The following DIXDC1 variants were observed in gnomAD, a reference collection of about 807,000 sequenced individuals.
The protein encoded by DIXDC1 is DIX domain containing 1.
DIXDC1 carries 64 observed loss-of-function variants against 103.1 expected under a neutral mutation model. The observed-to-expected ratio is 0.62, with a 90% CI of 0.51 to 0.76. DIXDC1 has a LOEUF of 0.76. Ranked by LOEUF, DIXDC1 falls within the 30% of genes least tolerant of loss-of-function variation. The pLI, the probability that DIXDC1 is intolerant of heterozygous loss-of-function variation, is 0.00. For missense variants in DIXDC1, 759 were observed against 834.2 expected, an observed-to-expected ratio of 0.91 and a Z score of 1.11; for synonymous variants, 266 against 298.5, an observed-to-expected ratio of 0.89 and a Z score of 1.12.
chr11:111,943,997 C>A (rs1293211526), intron 1 of DIXDC1, among the ~76,000 whole-genome samples: 4 of 152,158 alleles, frequency 2.6e-5, no homozygotes, highest in African/African-American at 9.7e-5. Context: ...GAACAAATAG[C>A]TTTTGCAGGT....
intron 2 of DIXDC1, among the ~76,000 whole-genome samples, chr11:111,965,674 CATAAT>C (rs1486577960): frequency 2.6e-5 from 4 of 152,094 alleles, no homozygotes; most frequent in Admixed American, 2.6e-4. Flanking sequence ...CTTTGGGAAA[CATAAT>C]ATTATCCCCA....
intron 17 of DIXDC1, among the ~76,000 whole-genome samples, chr11:112,006,470 C>T (rs1861241690): frequency 6.6e-6 from 1 of 152,238 alleles, no homozygotes; most frequent in African/African-American, 2.4e-5. Flanking sequence ...TGAGAACGGA[C>T]AGACTGCCTC....
At position 111,992,468 on chromosome 11, in the gene DIXDC1, A is replaced by T; in HGVS notation, c.1167A>T (p.Lys389Asn). ...AGGACACATCTGTTCTTCAGCTCAA[A>T]CAAGAGCTACTGAGGGCAAATATGG... ...TQQDTSVLQL[K>N]QELLRANMDK... The change falls in exon 11 of 20, where the codon AAA becomes AAT. Residue 389 changes from lysine (K) to asparagine (N), a missense_variant. Physicochemically the swap from Lys to Asn is moderately conservative, Grantham distance 94. Transcript: ENST00000440460. 1 of 1,582,798 alleles carries T rather than the reference A, an allele frequency of 6.3e-7. No individual in the cohort carries two copies. The highest frequency in any genetic ancestry group is 8.6e-7 in the Non-Finnish European group (1 of 1,163,780).
chr11:111,986,490 A>G (rs1462292136), intron 8 of DIXDC1, among the ~76,000 whole-genome samples: 6 of 150,624 alleles, frequency 4.0e-5, no homozygotes, highest in Non-Finnish European at 7.4e-5. Flanking sequence ...TCAGCCTCCC[A>G]AGCAGCTGGG....
rs372399059 is a variant in DIXDC1 at position 111,993,017 on chromosome 11, A to G, written c.1272+13A>G. ...GGGAGAATATAAAGTAAGAATGAAT[A>G]TCAGTTTGGAAATGACTTCCACTGA... On this transcript the variant is annotated intron_variant, in intron 12 of 19. Transcript: ENST00000440460. 7.3e-5 allele frequency: 116 copies of G among 1,592,894 alleles called. No homozygotes were observed. The East Asian group carries it at 2.2e-3, about 30-fold the overall frequency.
chr11:111,967,385 A>G (rs371099768), intron 2 of DIXDC1, among the ~76,000 whole-genome samples: 1 of 152,252 alleles, frequency 6.6e-6, no homozygotes, highest in African/African-American at 2.4e-5. Flanking sequence ...GGTGTCCTTA[A>G]TTGTCCTTTT....
chr11:111,995,485 T>C lies in DIXDC1; in HGVS notation c.1610T>C (p.Ile537Thr), dbSNP rs1041748646. ...FSGHDPQHHT[I>T]DSLEQGISSL... is the part of the protein sequence containing the mutation. ...GGCCACGATCCTCAGCACCACACTA[T>C]TGACAGCTTGGAGCAGGGCATTTCT... The change falls in exon 16 of 20, where the codon ATT becomes ACT. Residue 537 changes from isoleucine to threonine, a missense_variant. Ile to Thr is a moderately conservative substitution (Grantham distance 89). Coordinates refer to ENST00000440460, the MANE Select transcript of DIXDC1 (RefSeq NM_001037954.4). 6.2e-7 allele frequency: 1 copy of C among 1,613,974 alleles called. No individual in the cohort carries two copies. Among genetic ancestry groups the C allele is most frequent in the Admixed American group, 1.7e-5 (1 of 60,026 alleles).
chr11:111,966,380 G>A (rs1332651875), intron 2 of DIXDC1, among the ~76,000 whole-genome samples: 3 of 145,194 alleles, frequency 2.1e-5, no homozygotes, highest in Non-Finnish European at 3.0e-5. Flanking sequence ...GCACCACCAC[G>A]CCAAGCTAAT....
Position 112,017,537 on chromosome 11 carries a change from GA to G in DIXDC1, c.1863-238del. The G allele has an allele frequency of 3.7e-6, 1 of 271,026 alleles. No homozygotes were observed. The highest frequency in any genetic ancestry group is 7.0e-6 in the Non-Finnish European group (1 of 143,436). 16.8% of individuals were successfully genotyped at this position (271,026 alleles called of 1,614,324 possible). A position where few individuals can be genotyped will look rare whatever the true frequency, so the allele number is the denominator to read the frequency against. ...TCCAGAGAAAAGTGATTTGGCTTCTGAAGCAATAAGTCAATTTTAAATTCTC... is the reference window on the plus strand; with the variant it reads ...TCCAGAGAAAAGTGATTTGGCTTCTGAGCAATAAGTCAATTTTAAATTCTC... On this transcript the variant is annotated intron_variant, in intron 18 of 19. Coordinates refer to ENST00000440460, the MANE Select transcript of DIXDC1 (RefSeq NM_001037954.4). This position sits in a 1 kb window ranked among gnomAD's most constrained non-coding sequence, Gnocchi z 4.0.
At chr11:111,951,895 T>C (rs1209830338) in intron 1 of DIXDC1, among the ~76,000 whole-genome samples, 2 of 150,374 alleles carry the variant, frequency 1.3e-5, no homozygotes, top group African/African-American at 4.9e-5. Context: ...TGATGGAGTC[T>C]CACTCTGTCA....
intron 1 of DIXDC1, among the ~76,000 whole-genome samples, chr11:111,944,005 G>C (rs1050416431): frequency 2.6e-5 from 4 of 152,196 alleles, no homozygotes; most frequent in Non-Finnish European, 4.4e-5. Context: ...AGCTTTTGCA[G>C]GTTCAGTAAA....
At chr11:111,973,937 A>G (rs781810096) in intron 3 of DIXDC1, 86 bp from the exon 4 acceptor site, 20 of 1,276,716 alleles carry the variant, frequency 1.6e-5, no homozygotes, top group Admixed American at 4.3e-5. Context: ...CACTAGCAAT[A>G]TGTAATAAAT....
chr11:111,982,480 G>A lies in DIXDC1; in HGVS notation c.911G>A (p.Gly304Glu). 1 of 1,613,040 alleles carries A rather than the reference G, an allele frequency of 6.2e-7. No individual in the cohort carries two copies. The highest frequency in any genetic ancestry group is 1.3e-5 in the African/African-American group (1 of 75,008). ...EMEEAKKMISGLQALLLNGSL... is the reference protein window; with the variant it reads ...EMEEAKKMISELQALLLNGSL... ...GAGGAAGCAAAGAAAATGATATCAG[G>A]ACTACAGGTAGCTCTCTCCCTTGTA... Residue 304 changes from glycine to glutamate, a missense_variant, in exon 7 of 20, where the codon GGA becomes GAA. Gly to Glu is a moderately conservative substitution (Grantham distance 98). Around this residue, in one of 3 missense-constraint regions of DIXDC1, gnomAD observed 657 missense variants for 727.5 expected, o/e 0.90. Transcript: ENST00000440460.
chr11:111,944,282 T>C lies in DIXDC1; in HGVS notation c.60+6723T>C, dbSNP rs587705359. Reference sequence around the variant, plus strand: ...GCATACCACAAAAGCTCTCTGCTTTTCTTGTTTGCTTTTCTTGTTGCCAGC... The same window carrying C: ...GCATACCACAAAAGCTCTCTGCTTTCCTTGTTTGCTTTTCTTGTTGCCAGC... On this transcript the variant is annotated intron_variant, in intron 1 of 19. Coordinates refer to ENST00000440460, the MANE Select transcript of DIXDC1 (RefSeq NM_001037954.4). Among the ~76,000 whole-genome samples the C allele has an allele frequency of 9.2e-5, 14 of 152,330 alleles. No homozygotes were observed. The South Asian group carries it at 2.7e-3, about 29-fold the overall frequency.
At chr11:111,966,456 T>A (rs1402142776) in intron 2 of DIXDC1, among the ~76,000 whole-genome samples, 4 of 137,360 alleles carry the variant, frequency 2.9e-5, no homozygotes, top group Admixed American at 1.6e-4. Context: ...CAGGCGGGAG[T>A]GCAGTGGCGC....
In DIXDC1 at chr11:111,977,837, T is replaced by C. The variant is rs1380653174; in HGVS notation, c.656+2854T>C. The C allele has an allele frequency of 1.3e-6, 2 of 1,531,778 alleles. No homozygotes were observed. The highest frequency in any genetic ancestry group is 1.8e-6 in the Non-Finnish European group (2 of 1,138,382). The allele number at this position is 1,531,778 out of a possible 1,614,324, so 94.9% of individuals were successfully genotyped here. A position where few individuals can be genotyped will look rare whatever the true frequency, so the allele number is the denominator to read the frequency against. Reference sequence around the variant, plus strand: ...TGGCTTTGGAAGTGGGGGGCCTGGGTGGGAACAGGGGCAGGGCTGGAGGAT... The same window carrying C: ...TGGCTTTGGAAGTGGGGGGCCTGGGCGGGAACAGGGGCAGGGCTGGAGGAT... On this transcript the variant is annotated intron_variant, in intron 5 of 19. Coordinates refer to ENST00000440460, the MANE Select transcript of DIXDC1 (RefSeq NM_001037954.4). This position sits in a 1 kb window ranked among gnomAD's most constrained non-coding sequence, Gnocchi z 6.1.
At chr11:111,970,348 C>G (rs1267092073) in intron 3 of DIXDC1, among the ~76,000 whole-genome samples, 13 of 152,224 alleles carry the variant, frequency 8.5e-5, no homozygotes, top group Non-Finnish European at 1.5e-5. Context: ...AGCCACTGCA[C>G]CTGGCCAAAT....
intron 1 of DIXDC1, among the ~76,000 whole-genome samples, chr11:111,953,986 G>A (rs1966864454): frequency 1.3e-5 from 2 of 151,970 alleles, no homozygotes; most frequent in South Asian, 4.1e-4. Context: ...CCCTAAACCA[G>A]AGGTCCCCAA....
chr11:111,985,317 A>G lies in DIXDC1; in HGVS notation c.1004A>G (p.Gln335Arg). 6.2e-7 allele frequency: 1 copy of G among 1,612,412 alleles called. No individual in the cohort carries two copies. The highest frequency in any genetic ancestry group is 8.5e-7 in the Non-Finnish European group (1 of 1,179,238). ...GAACCAGGTGTCAATCCCGAGGAAC[A>G]ACTGGTGAGCTCCATCTTTTGTGAT... ...LCEPGVNPEE[Q>R]LIIIQSRLDQ... Residue 335 changes from glutamine to arginine, a missense_variant, in exon 8 of 20, where the codon CAA becomes CGA. This residue lies in a region of DIXDC1 where 657 missense variants were observed against 727.5 expected (regional missense o/e 0.90). Coordinates refer to ENST00000440460, the MANE Select transcript of DIXDC1 (RefSeq NM_001037954.4).
Sources: gnomAD v4.1 joint callset for allele counts (sites outside exome capture counted in the v4.1 genomes callset) on GRCh38, gnomAD v4.1.1 for gene constraint, gnomAD v4.1.1 regional missense constraint, Gnocchi (gnomAD v3.1) non-coding constraint, MANE v1.5 for transcripts, NCBI Gene and HGNC (gene_info 2026-07-23, HGNC 2026-07-21) for gene names.